The following GALNT10 variants were observed in gnomAD, a reference collection of about 807,000 sequenced individuals.
GALNT10 encodes the protein polypeptide N-acetylgalactosaminyltransferase 10.
A neutral mutation model predicts 75.0 loss-of-function variants in GALNT10; 41 were observed. The ratio of observed to expected loss-of-function variants is 0.55; its 90% CI spans 0.43 to 0.71. The LOEUF (loss-of-function observed/expected upper bound fraction) is 0.71. Ranked by LOEUF, GALNT10 falls within the 30% of genes least tolerant of loss-of-function variation. GALNT10 has a pLI of 0.00. For synonymous variants in GALNT10, 302 were observed against 313.0 expected (o/e 0.96, Z 0.37); for missense variants, 727 against 818.5 (o/e 0.89, Z 1.36).
intron 1 of GALNT10, among the ~76,000 whole-genome samples, chr5:154,293,782 C>T (rs1263881033): frequency 1.3e-5 from 2 of 151,792 alleles, no homozygotes; most frequent in African/African-American, 2.4e-5. Context: ...ACAGCTTTGC[C>T]GTTCTTTACC....
intron 9 of GALNT10, among the ~76,000 whole-genome samples, chr5:154,411,369 A>G (rs1756393862): frequency 6.6e-6 from 1 of 152,212 alleles, no homozygotes; most frequent in Non-Finnish European, 1.5e-5. Context: ...AGCAGAAAGT[A>G]TATGCCTCTT....
intron 4 of GALNT10, among the ~76,000 whole-genome samples, chr5:154,362,676 A>C (rs1755411711): frequency 6.6e-6 from 1 of 152,202 alleles, no homozygotes; most frequent in East Asian, 1.9e-4. Context: ...CTTCGAGGCT[A>C]CACAGTTCAA....
chr5:154,293,594 GAT>G lies in GALNT10; in HGVS notation c.160-1203_160-1202del, dbSNP rs754824803. On this transcript the variant is annotated intron_variant, in intron 1 of 11. Transcript: ENST00000297107. Reference sequence around the variant, plus strand: ...CCCTGGGGGCTGCTCTCTTGGGGCTGATATATATATATATATATATTTTTTTT... The same window carrying G: ...CCCTGGGGGCTGCTCTCTTGGGGCTGATATATATATATATATATTTTTTTT... 9.8e-3 allele frequency among the ~76,000 whole-genome samples: 1,375 copies of G among 140,632 alleles called. 59 individuals are homozygous for G. Among genetic ancestry groups the G allele is most frequent in the African/African-American group, 0.027 (943 of 34,890 alleles). The allele number at this position is 140,632 out of a possible 152,430, so 92.3% of individuals were successfully genotyped here.
At chr5:154,225,117 G>A (rs1174003501) in intron 1 of GALNT10, among the ~76,000 whole-genome samples, 3 of 150,546 alleles carry the variant, frequency 2.0e-5, no homozygotes. Flanking sequence ...TTTTTAGACA[G>A]AGTCTTGCTC....
intron 1 of GALNT10, among the ~76,000 whole-genome samples, chr5:154,248,016 C>T (rs1753456929): frequency 6.6e-6 from 1 of 152,186 alleles, no homozygotes; most frequent in Admixed American, 6.6e-5. Context: ...GAGTTTTTAG[C>T]ATGAAGGGCT....
intron 1 of GALNT10, among the ~76,000 whole-genome samples, chr5:154,275,894 C>T (rs761485819): frequency 6.6e-6 from 1 of 152,158 alleles, no homozygotes; most frequent in Non-Finnish European, 1.5e-5. Flanking sequence ...TGCCCAAGTT[C>T]AAAGGCAGAG....
intron 4 of GALNT10, among the ~76,000 whole-genome samples, chr5:154,350,169 C>G (rs2113142776): frequency 6.6e-6 from 1 of 151,528 alleles, no homozygotes; most frequent in South Asian, 2.1e-4. Flanking sequence ...CTTTACTTCT[C>G]TAATAAAGTT....
chr5:154,336,106 T>C (rs1431274855), intron 4 of GALNT10, among the ~76,000 whole-genome samples: 1 of 152,226 alleles, frequency 6.6e-6, no homozygotes. Flanking sequence ...TCAGATTGGC[T>C]TCTTTCACTC....
At chr5:154,303,123 A>C (rs1430388097) in intron 3 of GALNT10, among the ~76,000 whole-genome samples, 1 of 152,188 alleles carries the variant, frequency 6.6e-6, no homozygotes, top group East Asian at 1.9e-4. Context: ...CCAAAAAAAA[A>C]GGCCAGGCAA....
chr5:154,382,807 G>A (rs1582002177), intron 6 of GALNT10, among the ~76,000 whole-genome samples: 2 of 152,220 alleles, frequency 1.3e-5, no homozygotes, highest in South Asian at 2.1e-4. Flanking sequence ...TTGGCCCATC[G>A]TTATCCTCAT....
In GALNT10 at chr5:154,298,983, G is replaced by C. The variant is rs570957982; in HGVS notation, c.401+904G>C. Among the ~76,000 whole-genome samples the C allele has an allele frequency of 7.2e-5, 11 of 152,312 alleles. No individual in the cohort carries two copies. The highest frequency in any genetic ancestry group is 1.9e-4 in the African/African-American group (8 of 41,560). ...TTGGGACCACACTTTGAGAATCACT[G>C]CAAGTAGATTTCAGAATTGCTTCTA... is the stretch of plus-strand genomic sequence containing the variant. On this transcript the variant is annotated intron_variant, in intron 3 of 11. Coordinates refer to ENST00000297107, the MANE Select transcript of GALNT10 (RefSeq NM_198321.4). The surrounding 1 kb of genome is among the most constrained non-coding windows in gnomAD (Gnocchi z 4.1).
At chr5:154,281,973 C>G (rs573772730) in intron 1 of GALNT10, among the ~76,000 whole-genome samples, 34 of 152,318 alleles carry the variant, frequency 2.2e-4, no homozygotes, top group African/African-American at 7.7e-4. Flanking sequence ...TTCCATGAGG[C>G]TGGCTCGTAA....
At chr5:154,216,388 G>T (rs1271893127) in intron 1 of GALNT10, among the ~76,000 whole-genome samples, 1 of 152,062 alleles carries the variant, frequency 6.6e-6, no homozygotes, top group East Asian at 1.9e-4. Flanking sequence ...TTAAAAAAAT[G>T]TATCTACTTA....
At chr5:154,226,982 A>G (rs1197731539) in intron 1 of GALNT10, among the ~76,000 whole-genome samples, 1 of 151,536 alleles carries the variant, frequency 6.6e-6, no homozygotes, top group East Asian at 1.9e-4. Context: ...TTCAGTGACC[A>G]TGATTATTTT....
intron 1 of GALNT10, among the ~76,000 whole-genome samples, chr5:154,224,225 C>T (rs1349758980): frequency 9.2e-5 from 14 of 152,134 alleles, no homozygotes; most frequent in Admixed American, 7.9e-4. Flanking sequence ...TACAGAGAAC[C>T]GTTGGGGATC....
chr5:154,216,566 C>T (rs1050869808), intron 1 of GALNT10, among the ~76,000 whole-genome samples: 11 of 152,098 alleles, frequency 7.2e-5, no homozygotes, highest in Middle Eastern at 6.3e-3. Context: ...TCATTGTCCT[C>T]GTTGGTTAAT....
intron 7 of GALNT10, 181 bp downstream of exon 7, chr5:154,386,611 G>GT: frequency 3.7e-6 from 2 of 541,076 alleles, no homozygotes; most frequent in Admixed American, 3.3e-5. Flanking sequence ...GGGTGGGGGG[G>GT]TGTGGGAGGG....
chr5:154,380,536 G>T lies in GALNT10; in HGVS notation c.843G>T (p.Gly281=). ...ACTTTCGGTACGAGACACAGGCAGGGGATGCCATGCGGGGAGCCTTTGACT... is the reference window on the plus strand; with the variant it reads ...ACTTTCGGTACGAGACACAGGCAGGTGATGCCATGCGGGGAGCCTTTGACT... ...HDDFRYETQA[G]DAMRGAFDWE... is the part of the protein sequence containing the mutation. The change falls in exon 6 of 12, where the codon GGG becomes GGT. Residue 281 remains glycine, a synonymous_variant. Coordinates refer to ENST00000297107, the MANE Select transcript of GALNT10 (RefSeq NM_198321.4). 1 of 1,613,872 alleles carries T rather than the reference G, an allele frequency of 6.2e-7. No homozygotes were observed. Among genetic ancestry groups the T allele is most frequent in the Non-Finnish European group, 8.5e-7 (1 of 1,179,756 alleles).
intron 1 of GALNT10, among the ~76,000 whole-genome samples, chr5:154,288,386 T>C (rs1754143276): frequency 6.7e-6 from 1 of 148,234 alleles, no homozygotes; most frequent in Non-Finnish European, 1.5e-5. Flanking sequence ...AAATAGTGAT[T>C]AAACAAAGAT....
Sources: gnomAD v4.1 joint callset for allele counts (sites outside exome capture counted in the v4.1 genomes callset) on GRCh38, gnomAD v4.1.1 for gene constraint, Gnocchi (gnomAD v3.1) non-coding constraint, MANE v1.5 for transcripts, NCBI Gene and HGNC (gene_info 2026-07-23, HGNC 2026-07-21) for gene names.